Variants in WBP2NL observed in about 807,000 individuals in gnomAD.
The protein encoded by WBP2NL is postacrosomal sheath WW domain-binding protein.
In WBP2NL, 27 loss-of-function variants were observed where a neutral mutation model predicts 23.3. The ratio of observed to expected loss-of-function variants is 1.16; its 90% confidence interval spans 0.85 to 1.60. The LOEUF is 1.60. WBP2NL is among the 40% of genes most tolerant of loss of function. WBP2NL has a pLI of 0.00. For synonymous variants in WBP2NL, 151 were observed against 145.9 expected (o/e 1.03, Z -0.25); for missense variants, 370 against 389.5 (o/e 0.95, Z 0.42).
chr22:42,054,114 T>A (rs976652500), intron 8 of WBP2NL, among the ~76,000 whole-genome samples: 1 of 152,184 alleles, frequency 6.6e-6, no homozygotes, highest in African/African-American at 2.4e-5. Context: ...CTGGATAGTA[T>A]ACTTTGACAC....
At chr22:42,019,241 T>G in intron 1 of WBP2NL, 70 bp from the exon 2 acceptor site, 2 of 1,463,846 alleles carry the variant, frequency 1.4e-6, no homozygotes, top group Non-Finnish European at 1.9e-6. Flanking sequence ...AAAAATTGCG[T>G]TAAGAACTTT....
chr22:42,014,516 C>T (rs192027638), intron 1 of WBP2NL, among the ~76,000 whole-genome samples: 42 of 152,240 alleles, frequency 2.8e-4, no homozygotes, highest in Admixed American at 2.3e-3. Context: ...CATGAGCCAC[C>T]GCGCCTGGCC....
chr22:42,056,450 T>G (rs900294394), intron 8 of WBP2NL, among the ~76,000 whole-genome samples: 1 of 152,188 alleles, frequency 6.6e-6, no homozygotes, highest in Non-Finnish European at 1.5e-5. Context: ...TATATTTACT[T>G]ATGTAGTTCC....
chr22:42,001,473 T>C, intron 1 of WBP2NL: 1 of 921,658 alleles, frequency 1.1e-6, no homozygotes, highest in East Asian at 2.4e-5. Context: ...CCGTCAGATT[T>C]GTAGATCTTA....
chr22:42,012,260 G>T (rs372558449), intron 1 of WBP2NL, among the ~76,000 whole-genome samples: 1 of 151,580 alleles, frequency 6.6e-6, no homozygotes, highest in African/African-American at 2.4e-5. Flanking sequence ...CTAGCTTTGG[G>T]CTTCATTTGT....
At chr22:42,022,958 T>C (rs1924108349) in intron 5 of WBP2NL, among the ~76,000 whole-genome samples, 1 of 152,230 alleles carries the variant, frequency 6.6e-6, no homozygotes, top group African/African-American at 2.4e-5. Flanking sequence ...AGGCTACTTA[T>C]TTGTAACCTT....
chr22:42,049,050 A>T (rs1251766051), intron 8 of WBP2NL, among the ~76,000 whole-genome samples: 1 of 152,346 alleles, frequency 6.6e-6, no homozygotes, highest in South Asian at 2.1e-4. Context: ...TACTTTGTTC[A>T]CAAATGACCA....
intron 5 of WBP2NL, 26 bp from the exon 6 acceptor site, chr22:42,026,740 T>A: frequency 1.2e-6 from 2 of 1,600,440 alleles, no homozygotes; most frequent in Non-Finnish European, 8.5e-7. Flanking sequence ...GTAACTGAAT[T>A]TTTTTCCTTC....
At chr22:42,035,144 C>G (rs1255336813), downstream of WBP2NL, among the ~76,000 whole-genome samples, 1 of 152,230 alleles carries the variant, frequency 6.6e-6, no homozygotes, top group Non-Finnish European at 1.5e-5. Context: ...TAAAGACAGG[C>G]ATAAGAAATT....
At chr22:42,056,347 ACATAGT>A (rs1926028586) in intron 8 of WBP2NL, among the ~76,000 whole-genome samples, 1 of 152,198 alleles carries the variant, frequency 6.6e-6, no homozygotes, top group Non-Finnish European at 1.5e-5. Flanking sequence ...ACATCTTTAT[ACATAGT>A]CTACCCATCT....
intron 5 of WBP2NL, among the ~76,000 whole-genome samples, chr22:42,025,440 T>C (rs1193460328): frequency 6.6e-6 from 1 of 152,242 alleles, no homozygotes; most frequent in Non-Finnish European, 1.5e-5. Flanking sequence ...AGCCAAAAGA[T>C]TGGCCACCTC....
In WBP2NL at chr22:42,019,754, A is replaced by G; in HGVS notation, c.264A>G (p.Pro88=). The G allele has an allele frequency of 6.2e-7, 1 of 1,614,184 alleles. No individual in the cohort carries two copies. Among genetic ancestry groups the G allele is most frequent in the African/African-American group, 1.3e-5 (1 of 75,050 alleles). The part of the protein sequence containing the change: ...DLMTNLTVEQ[P]VFAANFIKGT... ...TGACGAACCTCACTGTTGAACAACC[A>G]GTATTTGCTGCAAACTTCATTAAGG... The change falls in exon 3 of 6, where the codon CCA becomes CCG. Residue 88 remains proline (P), a synonymous_variant. Coordinates refer to ENST00000328823, the MANE Select transcript of WBP2NL (RefSeq NM_152613.3).
At chr22:42,058,063 C>A (rs1926156829) in intron 8 of WBP2NL, among the ~76,000 whole-genome samples, 1 of 148,910 alleles carries the variant, frequency 6.7e-6, no homozygotes, top group Non-Finnish European at 1.5e-5. Context: ...ACTACAGGCG[C>A]CCACCACCAT....
downstream of WBP2NL, among the ~76,000 whole-genome samples, chr22:42,034,970 G>A (rs1005899322): frequency 6.6e-6 from 1 of 152,188 alleles, no homozygotes; most frequent in Non-Finnish European, 1.5e-5. Context: ...TACAATTTGT[G>A]TAGTTAACGC....
chr22:42,023,831 A>C (rs1455272681), intron 5 of WBP2NL, among the ~76,000 whole-genome samples: 1 of 151,844 alleles, frequency 6.6e-6, no homozygotes, highest in Non-Finnish European at 1.5e-5. Context: ...TTTTGTAGAT[A>C]CAGGGTCTCA....
At chr22:42,026,258 C>T (rs1198909166) in intron 5 of WBP2NL, among the ~76,000 whole-genome samples, 3 of 146,486 alleles carry the variant, frequency 2.0e-5, no homozygotes, top group Non-Finnish European at 3.0e-5. Flanking sequence ...GGCAACAGAG[C>T]GAGACCCCCT....
At chr22:42,038,503 C>T (rs1011534534) in intron 8 of WBP2NL, among the ~76,000 whole-genome samples, 1 of 152,140 alleles carries the variant, frequency 6.6e-6, no homozygotes, top group African/African-American at 2.4e-5. Context: ...GGAGTGCATT[C>T]TCTTTTTTAA....
At chr22:42,009,026 G>A (rs1339300999) in intron 1 of WBP2NL, among the ~76,000 whole-genome samples, 4 of 151,730 alleles carry the variant, frequency 2.6e-5, no homozygotes, top group African/African-American at 4.8e-5. Context: ...TGATCCACCC[G>A]CCTCAGCCTC....
downstream of WBP2NL, among the ~76,000 whole-genome samples, chr22:42,034,355 T>A (rs902250128): frequency 3.9e-5 from 6 of 152,186 alleles, no homozygotes; most frequent in African/African-American, 1.4e-4. Flanking sequence ...GGGGGAGACA[T>A]CACACGTTGG....
Sources: gnomAD v4.1 joint callset for allele counts (sites outside exome capture counted in the v4.1 genomes callset) on GRCh38, gnomAD v4.1.1 for gene constraint, MANE v1.5 for transcripts, NCBI Gene and HGNC (gene_info 2026-07-23, HGNC 2026-07-21) for gene names.